Variants in MAGI2 observed in about 807,000 individuals in gnomAD.
MAGI2 encodes membrane associated guanylate kinase, WW and PDZ domain containing 2, also known as membrane-associated guanylate kinase, WW and PDZ domain-containing protein 2.
Under a neutral mutation model 133.3 loss-of-function variants are expected in MAGI2, and 35 were observed. The ratio of observed to expected loss-of-function variants is 0.26; its 90% CI spans 0.20 to 0.35. The LOEUF is 0.35. MAGI2 is among the 10% of genes least tolerant of loss of function. The pLI is 1.00. For missense variants in MAGI2, 1,636 were observed against 1,863.4 expected, an observed-to-expected ratio of 0.88 and a Z score of 2.25; for synonymous variants, 729 against 710.6, an observed-to-expected ratio of 1.03 and a Z score of -0.41.
chr7:78,712,992 A>T (rs936884262), intron 2 of MAGI2, among the ~76,000 whole-genome samples: 19 of 152,200 alleles, frequency 1.2e-4, no homozygotes, highest in Admixed American at 3.3e-4. Context: ...TAAGATGGGA[A>T]TTTACATACG....
intron 2 of MAGI2, among the ~76,000 whole-genome samples, chr7:78,983,234 G>T (rs1345738728): frequency 1.3e-5 from 2 of 151,928 alleles, no homozygotes; most frequent in East Asian, 3.9e-4. Context: ...TAGATTTAGG[G>T]AATAAGTTCA....
At chr7:78,960,479 A>G (rs529972023) in intron 2 of MAGI2, among the ~76,000 whole-genome samples, 2 of 152,180 alleles carry the variant, frequency 1.3e-5, no homozygotes, top group African/African-American at 4.8e-5. Flanking sequence ...AGGAGTGAGT[A>G]CTGCTAGAGT....
In MAGI2 at chr7:78,037,061, C is replaced by T. The variant is rs184092498; in HGVS notation, c.3707-17085G>A. On this transcript the variant is annotated intron_variant, in intron 21 of 21. Transcript: ENST00000354212. ...ATGAACAGAGAACCTGGTAGATCTG[C>T]CACCTGGATAACCCCCCTGTGCAAG... Among the ~76,000 whole-genome samples, 8 of 152,258 alleles carry T rather than the reference C, an allele frequency of 5.3e-5. No individual in the cohort carries two copies. In the East Asian group the frequency reaches 1.5e-3, roughly 29 times the overall value.
intron 2 of MAGI2, among the ~76,000 whole-genome samples, chr7:78,860,361 C>A (rs186701362): frequency 2.6e-5 from 4 of 152,198 alleles, no homozygotes; most frequent in Non-Finnish European, 5.9e-5. Flanking sequence ...CTGGTTTATC[C>A]CCATCTTTGT....
chr7:79,388,305 A>T (rs549118433), intron 1 of MAGI2, among the ~76,000 whole-genome samples: 8 of 152,022 alleles, frequency 5.3e-5, no homozygotes, highest in Non-Finnish European at 1.0e-4. Context: ...AAGCTTACTT[A>T]CTTTTAGTTC....
At chr7:79,291,542 A>G (rs1195231492) in intron 1 of MAGI2, among the ~76,000 whole-genome samples, 1 of 152,178 alleles carries the variant, frequency 6.6e-6, no homozygotes, top group African/African-American at 2.4e-5. Context: ...GCAGTGTATC[A>G]GGGCTCCATT....
intron 6 of MAGI2, among the ~76,000 whole-genome samples, chr7:78,472,713 T>C (rs2150429230): frequency 6.6e-6 from 1 of 152,288 alleles, no homozygotes; most frequent in South Asian, 2.1e-4. Flanking sequence ...CAAGCATTCC[T>C]CTAAGCATGA....
chr7:78,361,436 C>G (rs544572825), intron 7 of MAGI2, among the ~76,000 whole-genome samples: 1 of 151,274 alleles, frequency 6.6e-6, no homozygotes, highest in East Asian at 1.9e-4. Flanking sequence ...CCCCCTCCCC[C>G]CCACAAAATG....
intron 2 of MAGI2, among the ~76,000 whole-genome samples, chr7:78,721,631 A>G (rs752738219): frequency 5.3e-5 from 8 of 152,000 alleles, no homozygotes; most frequent in Non-Finnish European, 1.2e-4. Context: ...AACCTATTAA[A>G]TTGTGAGAAA....
At chr7:78,439,909 G>A (rs928314835) in intron 6 of MAGI2, among the ~76,000 whole-genome samples, 1 of 152,106 alleles carries the variant, frequency 6.6e-6, no homozygotes, top group Non-Finnish European at 1.5e-5. Context: ...CCAGCCACAT[G>A]TGCCTAGTGA....
chr7:79,299,550 A>G (rs4730754), intron 1 of MAGI2, among the ~76,000 whole-genome samples: 112,187 of 120,042 alleles, frequency 0.93, 52,739 homozygotes, highest in Non-Finnish European at 0.98. Flanking sequence ...GCAAGACTCC[A>G]TCTCAAAAAA....
intron 1 of MAGI2, among the ~76,000 whole-genome samples, chr7:79,111,716 G>A (rs1312863781): frequency 6.6e-6 from 1 of 152,132 alleles, no homozygotes; most frequent in Non-Finnish European, 1.5e-5. Context: ...GCCCAGGCTG[G>A]AGTGTAGTGG....
chr7:79,452,209 C>T (rs1269526456), intron 1 of MAGI2, among the ~76,000 whole-genome samples: 1 of 152,116 alleles, frequency 6.6e-6, no homozygotes, highest in Admixed American at 6.5e-5. Flanking sequence ...AAAGTCCATG[C>T]GGACAACCAT....
At chr7:78,123,678 A>G (rs1044702057) in intron 20 of MAGI2, among the ~76,000 whole-genome samples, 39 of 152,226 alleles carry the variant, frequency 2.6e-4, no homozygotes, top group African/African-American at 9.4e-4. Context: ...ACAACGCTGC[A>G]CAATTTAAAA....
Position 78,623,360 on chromosome 7 carries a change from CTAAA to C in MAGI2, c.538+3756_538+3759del, listed in dbSNP as rs1341522443. On this transcript the variant is annotated intron_variant, in intron 3 of 21. Coordinates refer to ENST00000354212, the MANE Select transcript of MAGI2 (RefSeq NM_012301.4). The stretch of plus-strand genomic sequence containing the variant: ...AATGTGTGCAAACTAATGAATGTTA[CTAAA>C]TAAAGTCACAAAGCCCATGGGAAAT... Among the ~76,000 whole-genome samples, 20 of 152,018 alleles carry C rather than the reference CTAAA, an allele frequency of 1.3e-4. 1 individual carries two copies. Among genetic ancestry groups the C allele is most frequent in the East Asian group, 5.8e-4 (3 of 5,166 alleles).
intron 2 of MAGI2, among the ~76,000 whole-genome samples, chr7:78,676,957 G>T (rs942519209): frequency 6.6e-6 from 1 of 152,102 alleles, no homozygotes; most frequent in African/African-American, 2.4e-5. Flanking sequence ...GACAGGGGAT[G>T]AAAAGGCCTG....
chr7:78,254,159 G>C (rs926561918), intron 10 of MAGI2: 1 of 152,160 alleles, frequency 6.6e-6, no homozygotes, highest in Admixed American at 6.5e-5. Context: ...TGAGAATGGG[G>C]TAGCCAAGCT....
At chr7:78,656,096 A>G (rs1305920687) in intron 2 of MAGI2, among the ~76,000 whole-genome samples, 1 of 152,190 alleles carries the variant, frequency 6.6e-6, no homozygotes. Context: ...ATTACAAAAA[A>G]CAGCCTAAGA....
rs556375548 is a variant in MAGI2, at chr7:78,463,412, A to T, written c.1045+26349T>A. 1.3e-4 allele frequency among the ~76,000 whole-genome samples: 20 copies of T among 152,346 alleles called. No individual in the cohort carries two copies. In the South Asian group the frequency reaches 4.1e-3, roughly 32 times the overall value. ...CTGGGATAGGATGTTAAAAGAACCA[A>T]CCCAGAAAGAGAGTTTTAAAAAGCT... On this transcript the variant is annotated intron_variant, in intron 6 of 21. Coordinates refer to ENST00000354212, the MANE Select transcript of MAGI2 (RefSeq NM_012301.4).
Sources: gnomAD v4.1 joint callset for allele counts (sites outside exome capture counted in the v4.1 genomes callset) on GRCh38, gnomAD v4.1.1 for gene constraint, MANE v1.5 for transcripts, NCBI Gene and HGNC (gene_info 2026-07-23, HGNC 2026-07-21) for gene names.